ITCH: variants seen among roughly 807,000 people sequenced by gnomAD.
ITCH encodes the protein itchy E3 ubiquitin protein ligase, also known as E3 ubiquitin-protein ligase Itchy homolog.
A neutral mutation model predicts 126.8 loss-of-function variants in ITCH; 28 were observed. The ratio of observed to expected loss-of-function variants is 0.22; its 90% confidence interval spans 0.16 to 0.30. ITCH has a LOEUF of 0.30. ITCH is among the 10% of genes least tolerant of loss of function. The pLI, the probability that ITCH is intolerant of heterozygous loss-of-function variation, is 1.00. For missense variants in ITCH, 631 were observed against 1,032.4 expected (o/e 0.61, Z 5.33); for synonymous variants, 342 against 340.0 (o/e 1.01, Z -0.06).
rs536844443 is a variant in ITCH, at chr20:34,425,702, G to A, written c.521+1177G>A. ...CCAGACATAGTACCTTTCCTTGAACGTATTCATGATACAGATTCCTTTGCT... is the reference window on the plus strand; with the variant it reads ...CCAGACATAGTACCTTTCCTTGAACATATTCATGATACAGATTCCTTTGCT... On this transcript the variant is annotated intron_variant, in intron 7 of 24. Coordinates refer to ENST00000374864, the MANE Select transcript of ITCH (RefSeq NM_031483.7). Among the ~76,000 whole-genome samples the A allele has an allele frequency of 6.6e-5, 10 of 152,286 alleles. No homozygotes were observed. The South Asian group carries it at 8.3e-4, about 13-fold the overall frequency.
rs75518377 is a variant in ITCH at position 34,448,543 on chromosome 20, C to G, written c.1141-868C>G. On this transcript the variant is annotated intron_variant, in intron 11 of 24. Transcript: ENST00000374864. ...GCAAAGTCTTGATAAGTGTTGAATC[C>G]TGGTGCTGGGTATGTGGGAATGTGG... 2.0e-3 allele frequency among the ~76,000 whole-genome samples: 305 copies of G among 151,816 alleles called. 1 individual carries two copies. The highest frequency in any genetic ancestry group is 3.8e-3 in the Non-Finnish European group (257 of 67,928).
At chr20:34,500,518 T>C (rs1250844369) in intron 23 of ITCH, among the ~76,000 whole-genome samples, 3 of 152,330 alleles carry the variant, frequency 2.0e-5, no homozygotes, top group East Asian at 1.9e-4. Context: ...CCATGAAATA[T>C]CTTTTTCATC....
At chr20:34,442,176 T>C in intron 9 of ITCH, 32 bp from the exon 10 acceptor site, 1 of 1,531,804 alleles carries the variant, frequency 6.5e-7, no homozygotes, top group African/African-American at 1.4e-5. Flanking sequence ...CTCATGCAAG[T>C]ATTTTACCAG....
intron 3 of ITCH, among the ~76,000 whole-genome samples, chr20:34,394,610 TG>T (rs1306780141): frequency 6.6e-6 from 1 of 152,076 alleles, no homozygotes; most frequent in African/African-American, 2.4e-5. Context: ...TTCGAACACC[TG>T]GGCTTAAATG....
At chr20:34,462,752 T>G (rs1986661873) in intron 14 of ITCH, among the ~76,000 whole-genome samples, 1 of 152,246 alleles carries the variant, frequency 6.6e-6, no homozygotes, top group African/African-American at 2.4e-5. Context: ...TGAAACACTG[T>G]ACCCTTTAAA....
intron 2 of ITCH, chr20:34,384,063 T>G (rs1460516674): frequency 6.6e-6 from 1 of 151,534 alleles, no homozygotes; most frequent in Non-Finnish European, 1.5e-5. Context: ...AGGCTGCTCT[T>G]GAACTCCTGA....
chr20:34,423,903 C>A (rs974741565), intron 6 of ITCH, among the ~76,000 whole-genome samples: 1 of 152,094 alleles, frequency 6.6e-6, no homozygotes. Context: ...GCACCTGGCT[C>A]CTCCAACACT....
intron 7 of ITCH, 39 bp from the exon 8 acceptor site, chr20:34,438,435 T>G (rs1347436180): frequency 1.2e-6 from 2 of 1,607,442 alleles, no homozygotes; most frequent in African/African-American, 2.7e-5. Context: ...GTATTCATTA[T>G]TTCCCTCTCC....
intron 23 of ITCH, among the ~76,000 whole-genome samples, chr20:34,503,864 T>G (rs1990428549): frequency 8.7e-6 from 1 of 114,688 alleles, no homozygotes. Flanking sequence ...TTTTTTTTTT[T>G]TTTTGGTTTT....
At chr20:34,474,988 T>C (rs1314558529) in intron 16 of ITCH, among the ~76,000 whole-genome samples, 37 of 144,858 alleles carry the variant, frequency 2.6e-4, no homozygotes, top group Non-Finnish European at 4.4e-4. Flanking sequence ...GGGTCGCGGC[T>C]GGGCAGAGGC....
At chr20:34,450,100 C>T (rs956355236) in intron 12 of ITCH, among the ~76,000 whole-genome samples, 1 of 152,056 alleles carries the variant, frequency 6.6e-6, no homozygotes, top group African/African-American at 2.4e-5. Context: ...TATATATTTA[C>T]AGAAATGAAT....
chr20:34,483,037 T>G (rs987133888), intron 20 of ITCH, among the ~76,000 whole-genome samples: 4 of 152,190 alleles, frequency 2.6e-5, no homozygotes, highest in Non-Finnish European at 5.9e-5. Flanking sequence ...CCTTGGCCAC[T>G]TTTAGTCATG....
At chr20:34,461,347 G>C (rs1233602202) in intron 13 of ITCH, among the ~76,000 whole-genome samples, 2 of 152,156 alleles carry the variant, frequency 1.3e-5, no homozygotes, top group Non-Finnish European at 2.9e-5. Context: ...TACTCTGTTA[G>C]CAGTATCAGT....
intron 20 of ITCH, 89 bp downstream of exon 20, chr20:34,481,295 A>T: frequency 2.2e-6 from 3 of 1,338,662 alleles, no homozygotes; most frequent in Non-Finnish European, 3.2e-6. Flanking sequence ...GTATCTCCAA[A>T]AATAGTATTT....
intron 9 of ITCH, among the ~76,000 whole-genome samples, chr20:34,441,209 T>C (rs1171214098): frequency 6.6e-6 from 1 of 151,812 alleles, no homozygotes; most frequent in African/African-American, 2.4e-5. Flanking sequence ...GAGGCAGAGG[T>C]TGCATTGAGC....
At chr20:34,486,325 C>CT (rs75327787) in intron 20 of ITCH, among the ~76,000 whole-genome samples, 93 of 144,698 alleles carry the variant, frequency 6.4e-4, no homozygotes, top group Non-Finnish European at 5.8e-4. Flanking sequence ...CAGTCCACAC[C>CT]TTTTTTTTTT....
At chr20:34,382,181 C>T (rs983407900) in intron 2 of ITCH, among the ~76,000 whole-genome samples, 39 of 152,088 alleles carry the variant, frequency 2.6e-4, no homozygotes, top group Non-Finnish European at 5.6e-4. Flanking sequence ...TTTCATAATC[C>T]TAGTTGTTTC....
chr20:34,430,773 C>T (rs912553358), intron 7 of ITCH, among the ~76,000 whole-genome samples: 1 of 152,172 alleles, frequency 6.6e-6, no homozygotes, highest in Non-Finnish European at 1.5e-5. Flanking sequence ...TCACCACGCC[C>T]AGCCTAAAAT....
intron 7 of ITCH, among the ~76,000 whole-genome samples, chr20:34,426,497 G>C (rs938818631): frequency 1.3e-5 from 2 of 151,822 alleles, no homozygotes; most frequent in African/African-American, 4.8e-5. Flanking sequence ...CCAGGCTGAA[G>C]TGCAGTGGCG....
Sources: gnomAD v4.1 joint callset for allele counts (sites outside exome capture counted in the v4.1 genomes callset) on GRCh38, gnomAD v4.1.1 for gene constraint, MANE v1.5 for transcripts, NCBI Gene and HGNC (gene_info 2026-07-23, HGNC 2026-07-21) for gene names.